Variants in TC2N observed in about 807,000 individuals in gnomAD.
TC2N encodes the protein tandem C2 domains nuclear protein.
TC2N carries 51 observed loss-of-function variants against 61.9 expected under a neutral mutation model. That is an observed-to-expected ratio of 0.82 (90% CI 0.66 to 1.04). TC2N has a LOEUF of 1.04. Among genes scored for constraint, TC2N ranks in the 50% least tolerant of loss-of-function variants. The pLI is 0.00. For missense variants in TC2N, 556 were observed against 566.7 expected (o/e 0.98, Z 0.19); for synonymous variants, 204 against 192.6 (o/e 1.06, Z -0.49).
At chr14:91,821,400 G>A (rs1234423922) in intron 1 of TC2N, among the ~76,000 whole-genome samples, 4 of 151,690 alleles carry the variant, frequency 2.6e-5, no homozygotes, top group Non-Finnish European at 4.4e-5. Flanking sequence ...ATGGTGCTAG[G>A]ACACTGAATA....
rs112120727 is a variant in TC2N, at chr14:91,819,765, C to T, written c.-56-5940G>A. On this transcript the variant is annotated intron_variant, in intron 1 of 11. Coordinates refer to ENST00000435962, the MANE Select transcript of TC2N (RefSeq NM_001128596.3). ...TGTATTACATCAATAGCACAAAGGC[C>T]GGGGGAGAAATAAAAGTAAAAATGT... Among the ~76,000 whole-genome samples, 546 of 151,774 alleles carry T rather than the reference C, an allele frequency of 3.6e-3. 2 individuals carry two copies. The highest frequency in any genetic ancestry group is 0.012 in the African/African-American group (497 of 41,392).
chr14:91,813,588 TTA>T (rs1886872810), intron 2 of TC2N, 113 bp downstream of exon 2: 1 of 681,850 alleles, frequency 1.5e-6, no homozygotes, highest in South Asian at 1.8e-5. Flanking sequence ...TTAGTGTGCC[TTA>T]TGTTTCTGCC....
chr14:91,825,389 T>C (rs891180885), intron 1 of TC2N, among the ~76,000 whole-genome samples: 1 of 152,174 alleles, frequency 6.6e-6, no homozygotes, highest in African/African-American at 2.4e-5. Flanking sequence ...TTGATTCAGA[T>C]GTTATGATAC....
At chr14:91,836,857 C>T (rs904641300) in intron 1 of TC2N, among the ~76,000 whole-genome samples, 6 of 152,166 alleles carry the variant, frequency 3.9e-5, no homozygotes, top group Non-Finnish European at 8.8e-5. Flanking sequence ...GAGGAAACTT[C>T]TCTGACTTGG....
rs139873782 is a variant in TC2N, at chr14:91,848,174, A to G, written c.-57+19088T>C. Among the ~76,000 whole-genome samples, 1,006 of 152,364 alleles carry G rather than the reference A, an allele frequency of 6.6e-3. 8 individuals carry two copies. The highest frequency in any genetic ancestry group is 0.022 in the African/African-American group (917 of 41,584). On this transcript the variant is annotated intron_variant, in intron 1 of 11. Transcript: ENST00000435962. ...TTTTGACTAATCAGGCCTATCCCTT[A>G]AATTGAGACCAATTTCCCAAACCAC...
chr14:91,804,735 G>A (rs1886428600), intron 3 of TC2N, among the ~76,000 whole-genome samples: 1 of 152,128 alleles, frequency 6.6e-6, no homozygotes, highest in Non-Finnish European at 1.5e-5. Flanking sequence ...AGGGATATGA[G>A]CTTAGGTGGT....
chr14:91,815,333 C>A (rs1886958293), intron 1 of TC2N, among the ~76,000 whole-genome samples: 1 of 151,254 alleles, frequency 6.6e-6, no homozygotes, highest in Non-Finnish European at 1.5e-5. Context: ...CACCAATAAA[C>A]AAATAAACTG....
At chr14:91,798,955 TAA>T in intron 6 of TC2N, 32 bp downstream of exon 6, 2 of 1,379,164 alleles carry the variant, frequency 1.5e-6, no homozygotes, top group Non-Finnish European at 2.0e-6. Context: ...ATAATTATCT[TAA>T]GAGTATAAAA....
At chr14:91,841,466 C>G (rs1888160538) in intron 1 of TC2N, among the ~76,000 whole-genome samples, 1 of 152,194 alleles carries the variant, frequency 6.6e-6, no homozygotes, top group Non-Finnish European at 1.5e-5. Flanking sequence ...GGAGCAGAGC[C>G]ACTCCCTCTG....
chr14:91,828,718 C>T (rs912668189), intron 1 of TC2N, among the ~76,000 whole-genome samples: 2 of 151,998 alleles, frequency 1.3e-5, no homozygotes, highest in Non-Finnish European at 2.9e-5. Flanking sequence ...TTGCTGATTG[C>T]ATTCCCATGG....
intron 1 of TC2N, among the ~76,000 whole-genome samples, chr14:91,815,428 A>G (rs573046237): frequency 6.6e-6 from 1 of 151,734 alleles, no homozygotes; most frequent in Admixed American, 6.6e-5. Flanking sequence ...ACACAAAAAG[A>G]CACCACAAAT....
chr14:91,824,608 G>A (rs1392248583), intron 1 of TC2N, among the ~76,000 whole-genome samples: 1 of 152,146 alleles, frequency 6.6e-6, no homozygotes, highest in Non-Finnish European at 1.5e-5. Flanking sequence ...CTATGTACTA[G>A]GCAATTTGCT....
intron 1 of TC2N, among the ~76,000 whole-genome samples, chr14:91,831,625 AT>A (rs1482366301): frequency 6.6e-6 from 1 of 152,192 alleles, no homozygotes; most frequent in South Asian, 2.1e-4. Flanking sequence ...AAAACAGAAT[AT>A]TCAGTTCTAT....
At position 91,829,493 on chromosome 14, in the gene TC2N, T is replaced by C. The variant is rs527995845; in HGVS notation, c.-56-15668A>G. Among the ~76,000 whole-genome samples the C allele has an allele frequency of 5.9e-5, 9 of 152,286 alleles. No individual in the cohort carries two copies. The East Asian group carries it at 1.7e-3, about 29-fold the overall frequency. On this transcript the variant is annotated intron_variant, in intron 1 of 11. Coordinates refer to ENST00000435962, the MANE Select transcript of TC2N (RefSeq NM_001128596.3). Reference sequence around the variant, plus strand: ...AGTTAAGCTGAAAGATGAGTTTTATTACTGCATTTTTCATTAGTAGAAATT... The same window carrying C: ...AGTTAAGCTGAAAGATGAGTTTTATCACTGCATTTTTCATTAGTAGAAATT...
rs1237651154 is a variant in TC2N, at chr14:91,781,810, A to C, written c.*1290T>G. 2 of 152,110 alleles carry C rather than the reference A, an allele frequency of 1.3e-5. No homozygotes were observed. Among genetic ancestry groups the C allele is most frequent in the Non-Finnish European group, 2.9e-5 (2 of 67,972 alleles). 9.4% of individuals were successfully genotyped at this position (152,110 alleles called of 1,614,324 possible). ...TGAGGAGATGGCACCTAGGGAAAAG[A>C]GAATTAAGTGTTTATTTGGGAAAAT... On this transcript the variant is annotated 3_prime_UTR_variant, in exon 12 of 12. Coordinates refer to ENST00000435962, the MANE Select transcript of TC2N (RefSeq NM_001128596.3).
At chr14:91,858,022 T>C (rs755711667) in intron 1 of TC2N, among the ~76,000 whole-genome samples, 1 of 152,088 alleles carries the variant, frequency 6.6e-6, no homozygotes, top group Non-Finnish European at 1.5e-5. Context: ...CTGGAATGCA[T>C]TGGTGCCATC....
intron 1 of TC2N, among the ~76,000 whole-genome samples, chr14:91,864,770 C>A (rs900178859): frequency 1.4e-5 from 2 of 142,320 alleles, no homozygotes; most frequent in Non-Finnish European, 1.5e-5. Context: ...ATTTACCCTG[C>A]CTTCATCTTT....
At chr14:91,859,362 C>G (rs1348870100) in intron 1 of TC2N, among the ~76,000 whole-genome samples, 1 of 152,184 alleles carries the variant, frequency 6.6e-6, no homozygotes. Flanking sequence ...CAAAACTCCT[C>G]CTCCTGAGGT....
chr14:91,792,184 A>G (rs1441237944), intron 9 of TC2N, among the ~76,000 whole-genome samples, 183 bp downstream of exon 9: 1 of 148,420 alleles, frequency 6.7e-6, no homozygotes, highest in Non-Finnish European at 1.5e-5. Flanking sequence ...CCAATGGAGA[A>G]AGAAAACAGT....
Sources: gnomAD v4.1 joint callset for allele counts (sites outside exome capture counted in the v4.1 genomes callset) on GRCh38, gnomAD v4.1.1 for gene constraint, MANE v1.5 for transcripts, NCBI Gene and HGNC (gene_info 2026-07-23, HGNC 2026-07-21) for gene names.